Variants in AGBL4 observed in about 807,000 individuals in gnomAD.
AGBL4 encodes cytosolic carboxypeptidase 6.
AGBL4 carries 58 observed loss-of-function variants against 66.4 expected under a neutral mutation model. The ratio of observed to expected loss-of-function variants is 0.87; its 90% CI spans 0.71 to 1.09. The LOEUF (loss-of-function observed/expected upper bound fraction) is 1.09. Ranked by LOEUF, AGBL4 falls within the 50% of genes least tolerant of loss-of-function variation. AGBL4 has a pLI of 0.00. For missense variants in AGBL4, 579 were observed against 631.0 expected, an observed-to-expected ratio of 0.92 and a Z score of 0.88; for synonymous variants, 234 against 222.9, an observed-to-expected ratio of 1.05 and a Z score of -0.44.
chr1:48,667,607 G>C (rs975831038), intron 6 of AGBL4, among the ~76,000 whole-genome samples: 1 of 152,222 alleles, frequency 6.6e-6, no homozygotes, highest in African/African-American at 2.4e-5. Flanking sequence ...CTAAATTCTA[G>C]AGTAACTTGT....
intron 6 of AGBL4, among the ~76,000 whole-genome samples, chr1:48,696,906 C>T (rs111253975): frequency 6.6e-6 from 1 of 152,174 alleles, no homozygotes; most frequent in Non-Finnish European, 1.5e-5. Flanking sequence ...CGTGGCCCCT[C>T]CTCCCTGAGG....
intron 8 of AGBL4, among the ~76,000 whole-genome samples, chr1:48,638,962 A>T (rs999075256): frequency 6.6e-6 from 1 of 152,178 alleles, no homozygotes; most frequent in African/African-American, 2.4e-5. Context: ...CTACATAACA[A>T]GTACTCTAAA....
At chr1:49,451,472 T>C (rs1281977739) in intron 3 of AGBL4, among the ~76,000 whole-genome samples, 1 of 151,922 alleles carries the variant, frequency 6.6e-6, no homozygotes, top group Non-Finnish European at 1.5e-5. Flanking sequence ...GTATATACCA[T>C]GGGAGAGGAG....
At chr1:49,262,993 A>G (rs1262441887) in intron 3 of AGBL4, among the ~76,000 whole-genome samples, 1 of 152,224 alleles carries the variant, frequency 6.6e-6, no homozygotes, top group African/African-American at 2.4e-5. Context: ...TGATGAGTTC[A>G]TGTCCTTTGT....
intron 5 of AGBL4, among the ~76,000 whole-genome samples, chr1:48,961,824 A>C (rs965156289): frequency 6.6e-6 from 1 of 152,204 alleles, no homozygotes; most frequent in African/African-American, 2.4e-5. Flanking sequence ...TCTGCCCTAC[A>C]GCCTACTTCA....
chr1:48,794,904 A>G (rs1392778384), intron 6 of AGBL4, among the ~76,000 whole-genome samples: 1 of 152,148 alleles, frequency 6.6e-6, no homozygotes, highest in African/African-American at 2.4e-5. Context: ...CAAATATTTC[A>G]AATCCATCTC....
At chr1:49,371,132 C>T (rs1381670863) in intron 3 of AGBL4, among the ~76,000 whole-genome samples, 1 of 152,136 alleles carries the variant, frequency 6.6e-6, no homozygotes, top group Non-Finnish European at 1.5e-5. Context: ...TGGAATTACA[C>T]CATTGGCTCT....
intron 3 of AGBL4, among the ~76,000 whole-genome samples, chr1:49,634,266 A>G (rs1010098968): frequency 2.6e-5 from 4 of 152,020 alleles, no homozygotes; most frequent in Admixed American, 2.0e-4. Context: ...CCCTGTGTCC[A>G]TGTGTTCTCA....
chr1:49,895,176 A>G (rs2148176509), intron 1 of AGBL4, among the ~76,000 whole-genome samples: 1 of 151,884 alleles, frequency 6.6e-6, no homozygotes, highest in Non-Finnish European at 1.5e-5. Flanking sequence ...CTCTCCTGGG[A>G]AAAGAAGACT....
intron 1 of AGBL4, among the ~76,000 whole-genome samples, chr1:49,941,876 C>T (rs1441696334): frequency 6.6e-6 from 1 of 151,948 alleles, no homozygotes; most frequent in Non-Finnish European, 1.5e-5. Flanking sequence ...ACTGACAGTA[C>T]AAGCCAGAGT....
At chr1:49,766,990 C>A (rs552508272) in intron 2 of AGBL4, among the ~76,000 whole-genome samples, 1 of 152,062 alleles carries the variant, frequency 6.6e-6, no homozygotes, top group African/African-American at 2.4e-5. Flanking sequence ...ATTAGACAGC[C>A]AAACCAGAAC....
intron 3 of AGBL4, among the ~76,000 whole-genome samples, chr1:49,672,457 T>C (rs1646496620): frequency 6.6e-6 from 1 of 151,834 alleles, no homozygotes; most frequent in South Asian, 2.1e-4. Flanking sequence ...TGTCTATTTA[T>C]GTAATAAACC....
In AGBL4 at chr1:49,220,113, T is replaced by A. The variant is rs560859620; in HGVS notation, c.377+25657A>T. Reference sequence around the variant, plus strand: ...TGATTACAATGTCTCAGATACATTCTCAAATAGCTACAGATTTTTGTCTTA... The same window carrying A: ...TGATTACAATGTCTCAGATACATTCACAAATAGCTACAGATTTTTGTCTTA... On this transcript the variant is annotated intron_variant, in intron 4 of 13. Transcript: ENST00000371839. Among the ~76,000 whole-genome samples the A allele has an allele frequency of 3.9e-5, 6 of 152,294 alleles. No homozygotes were observed. In the South Asian group the frequency reaches 1.2e-3, roughly 32 times the overall value.
chr1:49,843,306 G>A (rs968466300), intron 2 of AGBL4, among the ~76,000 whole-genome samples: 1 of 151,656 alleles, frequency 6.6e-6, no homozygotes, highest in African/African-American at 2.4e-5. Context: ...TTGTGTGTGT[G>A]TGTGTGTGTG....
chr1:49,652,772 G>A (rs1646034935), intron 3 of AGBL4, among the ~76,000 whole-genome samples: 1 of 152,170 alleles, frequency 6.6e-6, no homozygotes. Context: ...GAACCCCTCT[G>A]TGAGAATTTC....
intron 9 of AGBL4, among the ~76,000 whole-genome samples, chr1:48,608,006 A>G (rs1411371182): frequency 6.6e-6 from 1 of 152,248 alleles, no homozygotes; most frequent in African/African-American, 2.4e-5. Context: ...GTGGCAGAAC[A>G]GGACTTATTC....
chr1:49,925,401 C>T (rs1652664321), intron 1 of AGBL4, among the ~76,000 whole-genome samples: 2 of 152,136 alleles, frequency 1.3e-5, no homozygotes, highest in South Asian at 4.1e-4. Context: ...CCAGGTGGTA[C>T]AGGCTGTGGG....
chr1:49,752,931 C>A (rs534176257), intron 2 of AGBL4, among the ~76,000 whole-genome samples: 5 of 152,264 alleles, frequency 3.3e-5, no homozygotes, highest in African/African-American at 1.2e-4. Context: ...GTAAATCTTC[C>A]CACATCCCTT....
At chr1:49,953,076 CAT>C (rs1656297380) in intron 1 of AGBL4, among the ~76,000 whole-genome samples, 1 of 151,870 alleles carries the variant, frequency 6.6e-6, no homozygotes, top group Non-Finnish European at 1.5e-5. Flanking sequence ...CTAATAAAAA[CAT>C]AAAAGAAGAA....
Sources: allele counts gnomAD v4.1 joint callset (sites outside exome capture counted in the v4.1 genomes callset), GRCh38; gene constraint gnomAD v4.1.1; transcripts MANE v1.5; gene names NCBI Gene and HGNC (gene_info 2026-07-23, HGNC 2026-07-21).